BMPR1B: variants seen among roughly 807,000 people sequenced by gnomAD.
BMPR1B encodes bone morphogenetic protein receptor type 1B, also known as bone morphogenetic protein receptor type-1B.
Under a neutral mutation model 59.1 loss-of-function variants are expected in BMPR1B, and 12 were observed. That is an observed-to-expected ratio of 0.20 (90% CI 0.13 to 0.33). The LOEUF is 0.33. Ranked by LOEUF, BMPR1B falls within the 10% of genes least tolerant of loss-of-function variation. The pLI, the probability that BMPR1B is intolerant of heterozygous loss-of-function variation, is 1.00. For synonymous variants in BMPR1B, 237 were observed against 207.3 expected, an observed-to-expected ratio of 1.14 and a Z score of -1.23; for missense variants, 550 against 610.9, an observed-to-expected ratio of 0.90 and a Z score of 1.05.
chr4:94,773,253 C>T (rs990277415), intron 1 of BMPR1B, among the ~76,000 whole-genome samples: 2 of 152,046 alleles, frequency 1.3e-5, no homozygotes, highest in African/African-American at 4.8e-5. Flanking sequence ...AAAATCTTAT[C>T]TTGGTTAATA....
In BMPR1B at chr4:95,115,747, T is replaced by C. The variant is rs1424665116; in HGVS notation, c.309T>C (p.Asn103=). The change falls in exon 6 of 13, where the codon AAT becomes AAC. Residue 103 remains asparagine (N), a synonymous_variant. Transcript: ENST00000515059. ...GCTGCACAGAAAGGAACGAATGTAA[T>C]AAAGACCTACACCCTACACTGCCTC... The part of the protein sequence containing the change: ...IECCTERNEC[N]KDLHPTLPPL... 6.2e-7 allele frequency: 1 copy of C among 1,613,486 alleles called. No individual in the cohort carries two copies. The highest frequency in any genetic ancestry group is 1.1e-5 in the South Asian group (1 of 91,062).
chr4:94,887,350 A>G (rs1727212567), intron 2 of BMPR1B, among the ~76,000 whole-genome samples: 1 of 148,834 alleles, frequency 6.7e-6, no homozygotes, highest in African/African-American at 2.5e-5. Flanking sequence ...TCAGATAGTG[A>G]ATTTTCATAC....
chr4:95,127,834 AAAT>A lies in BMPR1B; in HGVS notation c.586-2023_586-2021del, dbSNP rs547587666. On this transcript the variant is annotated intron_variant, in intron 8 of 12. Coordinates refer to ENST00000515059, the MANE Select transcript of BMPR1B (RefSeq NM_001203.3). ...TTACGAAATTTATAATCTTCATTAT[AAAT>A]AATATATAATATATAATGTCCCCCC... is the stretch of plus-strand genomic sequence containing the variant. Among the ~76,000 whole-genome samples, 265 of 151,938 alleles carry A rather than the reference AAAT, an allele frequency of 1.7e-3. 1 individual carries two copies. Among genetic ancestry groups the A allele is most frequent in the Admixed American group, 3.2e-3 (48 of 15,234 alleles).
At chr4:94,794,483 G>A (rs1322429268) in intron 1 of BMPR1B, among the ~76,000 whole-genome samples, 1 of 140,392 alleles carries the variant, frequency 7.1e-6, no homozygotes, top group Non-Finnish European at 1.5e-5. Context: ...TTTGGCTTAG[G>A]ATTGACTTGG....
Position 94,973,128 on chromosome 4 carries a change from G to A in BMPR1B, c.-112-22912G>A, listed in dbSNP as rs12501052. On this transcript the variant is annotated intron_variant, in intron 2 of 12. Transcript: ENST00000515059. The stretch of plus-strand genomic sequence containing the variant: ...CCCGTGACAGCATCTAGGTGGGGTT[G>A]CCTATGACCCCCTGAAACCCCAGAG... 1.7e-4 allele frequency among the ~76,000 whole-genome samples: 26 copies of A among 152,142 alleles called. 1 individual carries two copies. The highest frequency in any genetic ancestry group is 1.7e-3 in the Admixed American group (26 of 15,274).
intron 12 of BMPR1B, among the ~76,000 whole-genome samples, chr4:95,153,792 A>G (rs911276044): frequency 1.3e-5 from 2 of 152,188 alleles, no homozygotes; most frequent in Admixed American, 6.5e-5. Flanking sequence ...GGAGGTTGCA[A>G]TGAGCCAGGA....
chr4:94,760,524 G>A (rs1194404084), intron 1 of BMPR1B, among the ~76,000 whole-genome samples: 1 of 152,088 alleles, frequency 6.6e-6, no homozygotes, highest in Admixed American at 6.6e-5. Context: ...AGCTCTTTCT[G>A]AGCACTCAAA....
At chr4:95,035,052 A>C (rs1725140257) in intron 3 of BMPR1B, among the ~76,000 whole-genome samples, 1 of 151,660 alleles carries the variant, frequency 6.6e-6, no homozygotes. Flanking sequence ...CATTTTTTTC[A>C]TATGTTTGTT....
intron 1 of BMPR1B, among the ~76,000 whole-genome samples, chr4:94,801,483 C>T (rs1196406206): frequency 6.6e-6 from 1 of 152,310 alleles, no homozygotes; most frequent in African/African-American, 2.4e-5. Context: ...ATCTTCCCTA[C>T]CATATCTTCT....
chr4:94,851,967 A>G (rs1725583854), intron 1 of BMPR1B, among the ~76,000 whole-genome samples: 1 of 152,184 alleles, frequency 6.6e-6, no homozygotes, highest in East Asian at 1.9e-4. Context: ...GTTATCAGTA[A>G]GTGTTTGTTG....
At chr4:95,025,732 T>C (rs1374949461) in intron 3 of BMPR1B, among the ~76,000 whole-genome samples, 3 of 152,182 alleles carry the variant, frequency 2.0e-5, no homozygotes, top group Non-Finnish European at 2.9e-5. Context: ...AAACATCACC[T>C]TTATTAGAAA....
At chr4:95,062,998 A>G (rs556135502) in intron 3 of BMPR1B, among the ~76,000 whole-genome samples, 1 of 152,224 alleles carries the variant, frequency 6.6e-6, no homozygotes, top group Admixed American at 6.5e-5. Flanking sequence ...TAAAGATGTC[A>G]TATTATCTAT....
intron 3 of BMPR1B, among the ~76,000 whole-genome samples, chr4:95,075,695 G>T (rs924048575): frequency 5.9e-5 from 9 of 151,668 alleles, no homozygotes; most frequent in Non-Finnish European, 1.3e-4. Context: ...TAAGGCTTCT[G>T]TCTCTCATAT....
At chr4:95,104,051 A>AT (rs1731012970) in intron 3 of BMPR1B, among the ~76,000 whole-genome samples, 1 of 151,762 alleles carries the variant, frequency 6.6e-6, no homozygotes, top group African/African-American at 2.4e-5. Context: ...TTGAGTCTTA[A>AT]TTTTCTCATC....
intron 1 of BMPR1B, among the ~76,000 whole-genome samples, chr4:94,758,811 C>T (rs749212457): frequency 3.3e-5 from 5 of 152,142 alleles, no homozygotes; most frequent in Non-Finnish European, 5.9e-5. Flanking sequence ...CCCGGTCTCT[C>T]TTTCCTTCCG....
intron 2 of BMPR1B, among the ~76,000 whole-genome samples, chr4:94,936,068 C>T (rs368528268): frequency 1.6e-4 from 24 of 151,978 alleles, no homozygotes; most frequent in Non-Finnish European, 2.9e-4. Context: ...CTTGTATAAA[C>T]GATAAAGTCA....
At chr4:94,932,924 C>A (rs1729150758) in intron 2 of BMPR1B, among the ~76,000 whole-genome samples, 1 of 151,942 alleles carries the variant, frequency 6.6e-6, no homozygotes, top group South Asian at 2.1e-4. Flanking sequence ...TTGTTAATGA[C>A]CTTACTTGAC....
At position 94,987,416 on chromosome 4, in the gene BMPR1B, C is replaced by G. The variant is rs538085690; in HGVS notation, c.-112-8624C>G. Among the ~76,000 whole-genome samples, 7 of 151,672 alleles carry G rather than the reference C, an allele frequency of 4.6e-5. No individual in the cohort carries two copies. The South Asian group carries it at 1.2e-3, about 27-fold the overall frequency. On this transcript the variant is annotated intron_variant, in intron 2 of 12. Transcript: ENST00000515059. ...GACTTAATCCACATTCCTGTTTTCACTGCCTAAATTTAATCTTTCAGTGAT... is the reference window on the plus strand; with the variant it reads ...GACTTAATCCACATTCCTGTTTTCAGTGCCTAAATTTAATCTTTCAGTGAT...
intron 1 of BMPR1B, among the ~76,000 whole-genome samples, chr4:94,834,135 T>C (rs2148926670): frequency 1.3e-5 from 2 of 152,276 alleles, no homozygotes; most frequent in Admixed American, 1.3e-4. Context: ...GACTTACATA[T>C]TGTTGGCTTG....
Sources: allele counts gnomAD v4.1 joint callset (sites outside exome capture counted in the v4.1 genomes callset), GRCh38; gene constraint gnomAD v4.1.1; transcripts MANE v1.5; gene names NCBI Gene and HGNC (gene_info 2026-07-23, HGNC 2026-07-21).